The following AFG2B variants were observed in gnomAD, a reference collection of about 807,000 sequenced individuals.
AFG2B encodes ATPase family gene 2 protein homolog B.
At chr15:45,417,236 T>A in the AFG2B span, 2 of 1,598,288 alleles carry the variant, frequency 1.3e-6, no homozygotes, top group Non-Finnish European at 1.7e-6. Context: ...AACAACTGAT[T>A]GACATTACTT....
chr15:45,403,166 G>GC, the AFG2B span: 2 of 1,463,300 alleles, frequency 1.4e-6, no homozygotes, highest in Non-Finnish European at 1.8e-6. Context: ...CCCGGAGTGG[G>GC]CAAGACCCAG....
chr15:45,416,813 T>A, the AFG2B span: 2 of 153,148 alleles, frequency 1.3e-5, no homozygotes, highest in Non-Finnish European at 2.9e-5. Context: ...ACTTAGATTG[T>A]CATTTCAAAG....
the AFG2B span, among the ~76,000 whole-genome samples, chr15:45,409,857 ACC>A: frequency 6.6e-6 from 1 of 152,146 alleles, no homozygotes; most frequent in African/African-American, 2.4e-5. Context: ...ACAGAGTGAG[ACC>A]CTGTCTCAAA....
At chr15:45,418,763 T>G in the AFG2B span, 7 of 1,545,094 alleles carry the variant, frequency 4.5e-6, no homozygotes, top group African/African-American at 8.3e-5. Context: ...CAGTATTTAC[T>G]AAAAGCCTGT....
At chr15:45,402,625 G>T in the AFG2B span, 4 of 1,576,614 alleles carry the variant, frequency 2.5e-6, no homozygotes, top group Non-Finnish European at 3.4e-6. Context: ...GCCTCGGCGG[G>T]ACGGAGCGGA....
chr15:45,403,589 C>A, the AFG2B span: 1 of 1,563,700 alleles, frequency 6.4e-7, no homozygotes, highest in Admixed American at 2.0e-5. Context: ...TTGGCTGCCC[C>A]GGAGGCGTTT....
chr15:45,410,534 A>G, the AFG2B span: 6 of 1,598,852 alleles, frequency 3.8e-6, no homozygotes, highest in Non-Finnish European at 4.3e-6. Flanking sequence ...AAAACAGGTA[A>G]GACAGATAAT....
chr15:45,408,182 CA>C, the AFG2B span, among the ~76,000 whole-genome samples: 1 of 152,156 alleles, frequency 6.6e-6, no homozygotes, highest in Admixed American at 6.5e-5. Flanking sequence ...GAAAGATGTT[CA>C]ACCTTGATTT....
the AFG2B span, chr15:45,405,344 A>C: frequency 6.2e-7 from 1 of 1,614,042 alleles, no homozygotes; most frequent in Non-Finnish European, 8.5e-7. Flanking sequence ...TCCCACACTT[A>C]AACAAAGAAA....
chr15:45,403,224 C>A, the AFG2B span: 9 of 1,515,020 alleles, frequency 5.9e-6, no homozygotes, highest in Middle Eastern at 1.9e-4. Flanking sequence ...TGCTGGCAGT[C>A]AGCGCCCCGG....
chr15:45,402,762 C>A, the AFG2B span: 296 of 1,580,536 alleles, frequency 1.9e-4, no homozygotes, highest in African/African-American at 3.4e-3. Flanking sequence ...GGCGCGTCGC[C>A]GTGTGGCCGG....
chr15:45,418,638 A>G, the AFG2B span: 1 of 1,613,888 alleles, frequency 6.2e-7, no homozygotes, highest in African/African-American at 1.3e-5. Context: ...CGCAGCAGAA[A>G]CCTGTTTTTT....
the AFG2B span, among the ~76,000 whole-genome samples, chr15:45,409,387 A>C: frequency 6.6e-6 from 1 of 152,088 alleles, no homozygotes; most frequent in Non-Finnish European, 1.5e-5. Flanking sequence ...AAAAAAAAAA[A>C]AAAAGAGTTT....
the AFG2B span, chr15:45,405,331 G>T: frequency 6.2e-7 from 1 of 1,613,714 alleles, no homozygotes; most frequent in East Asian, 2.2e-5. Flanking sequence ...TGGTCATTGG[G>T]ACTCCCACAC....
At chr15:45,414,732 T>A in the AFG2B span, 2 of 1,614,176 alleles carry the variant, frequency 1.2e-6, no homozygotes, top group Non-Finnish European at 1.7e-6. Flanking sequence ...TGAGTGGAGC[T>A]GATCTGTTTT....
At chr15:45,410,391 T>A in the AFG2B span, 1 of 1,613,710 alleles carries the variant, frequency 6.2e-7, no homozygotes, top group Non-Finnish European at 8.5e-7. Context: ...AATCCTGTGA[T>A]TGATGAAATA....
At chr15:45,408,764 A>C in the AFG2B span, among the ~76,000 whole-genome samples, 1 of 152,208 alleles carries the variant, frequency 6.6e-6, no homozygotes, top group Non-Finnish European at 1.5e-5. Flanking sequence ...TTACACCTGT[A>C]GTCCCAGCTG....
the AFG2B span, among the ~76,000 whole-genome samples, chr15:45,412,429 G>T: frequency 2.6e-5 from 4 of 151,890 alleles, no homozygotes; most frequent in Admixed American, 2.6e-4. Flanking sequence ...TCTAAAACGG[G>T]GGTCAACAGA....
At chr15:45,421,122 CTG>C in the AFG2B span, 1 of 1,613,406 alleles carries the variant, frequency 6.2e-7, no homozygotes, top group South Asian at 1.1e-5. Flanking sequence ...TCACTTAAGA[CTG>C]TAAAACCGTC....
Sources: gnomAD v4.1 joint callset for allele counts (sites outside exome capture counted in the v4.1 genomes callset) on GRCh38, gnomAD v4.1.1 for gene constraint, MANE v1.5 for transcripts, NCBI Gene and HGNC (gene_info 2026-07-23, HGNC 2026-07-21) for gene names.